The following SLC2A10 variants were observed in gnomAD, a reference collection of about 807,000 sequenced individuals.
SLC2A10 encodes the protein solute carrier family 2, facilitated glucose transporter member 10.
SLC2A10 carries 25 observed loss-of-function variants against 32.1 expected under a neutral mutation model. The observed-to-expected ratio is 0.78, with a 90% confidence interval of 0.57 to 1.09. SLC2A10 has a LOEUF of 1.09. Among genes scored for constraint, SLC2A10 ranks in the 50% least tolerant of loss-of-function variants. The pLI, the probability that SLC2A10 is intolerant of heterozygous loss-of-function variation, is 0.00. For synonymous variants in SLC2A10, 332 were observed against 309.6 expected (o/e 1.07, Z -0.76); for missense variants, 673 against 686.5 (o/e 0.98, Z 0.22).
At chr20:46,715,783 G>A (rs1979202523) in intron 1 of SLC2A10, among the ~76,000 whole-genome samples, 1 of 152,158 alleles carries the variant, frequency 6.6e-6, no homozygotes, top group Non-Finnish European at 1.5e-5. Flanking sequence ...TAGGGACTGT[G>A]GACCCAGACA....
intron 1 of SLC2A10, among the ~76,000 whole-genome samples, chr20:46,711,007 G>A (rs902187858): frequency 2.0e-5 from 3 of 152,112 alleles, no homozygotes; most frequent in Non-Finnish European, 4.4e-5. Context: ...CAAGTAGCTG[G>A]GATTACAGGC....
At chr20:46,711,162 A>G (rs1978890061) in intron 1 of SLC2A10, among the ~76,000 whole-genome samples, 1 of 152,194 alleles carries the variant, frequency 6.6e-6, no homozygotes. Flanking sequence ...CCCGGCCCTG[A>G]ATTAACTTCT....
At position 46,725,726 on chromosome 20, in the gene SLC2A10, C is replaced by T; in HGVS notation, c.690C>T (p.Gly230=). 6.2e-7 allele frequency: 1 copy of T among 1,614,162 alleles called. No individual in the cohort carries two copies. The highest frequency in any genetic ancestry group is 1.1e-5 in the South Asian group (1 of 91,090). Residue 230 remains glycine (G), a synonymous_variant, in exon 2 of 5, where the codon GGC becomes GGT. Transcript: ENST00000359271. ...TCAGGGCACGCGATAACATGCGAGGCCGGACCACAGTGGGCCTGGGGCTGG... is the reference window on the plus strand; with the variant it reads ...TCAGGGCACGCGATAACATGCGAGGTCGGACCACAGTGGGCCTGGGGCTGG... ...DLFRARDNMR[G]RTTVGLGLVL...
At position 46,726,037 on chromosome 20, in the gene SLC2A10, A is replaced by G. The variant is rs770142771; in HGVS notation, c.1001A>G (p.Asn334Ser). The G allele has an allele frequency of 5.6e-6, 9 of 1,614,040 alleles. No individual in the cohort carries two copies. Among genetic ancestry groups the G allele is most frequent in the Middle Eastern group, 3.3e-4 (2 of 6,084 alleles). Residue 334 changes from asparagine to serine, a missense_variant, in exon 2 of 5, where the codon AAT (asparagine) becomes AGT (serine). By Grantham distance (46) the Asn-to-Ser change is conservative. Transcript: ENST00000359271. ...DSGPSCLAVP[N>S]ATGQTGLPGD... is the part of the protein sequence containing the mutation. The stretch of plus-strand genomic sequence containing the variant: ...GGCCCAAGCTGTCTGGCTGTGCCCA[A>G]TGCCACCGGGCAGACAGGCCTCCCT...
At chr20:46,720,005 C>G (rs1979461719) in intron 1 of SLC2A10, among the ~76,000 whole-genome samples, 1 of 152,222 alleles carries the variant, frequency 6.6e-6, no homozygotes. Context: ...TTACACTGTG[C>G]TAAGCTGTCA....
intron 4 of SLC2A10, 88 bp from the exon 5 acceptor site, chr20:46,733,668 G>A: frequency 3.0e-6 from 3 of 993,178 alleles, no homozygotes; most frequent in Middle Eastern, 2.3e-4. Flanking sequence ...GTGGGATTGG[G>A]TGGTGGGAAC....
At chr20:46,726,434 G>A (rs940602247) in intron 2 of SLC2A10, 110 bp downstream of exon 2, 4 of 1,507,552 alleles carry the variant, frequency 2.7e-6, no homozygotes, top group African/African-American at 1.4e-5. Flanking sequence ...GGGCACTAGA[G>A]GTGGGTTGAC....
At chr20:46,721,582 G>T (rs1979558672) in intron 1 of SLC2A10, among the ~76,000 whole-genome samples, 1 of 152,070 alleles carries the variant, frequency 6.6e-6, no homozygotes, top group South Asian at 2.1e-4. Flanking sequence ...AAGAGTATTG[G>T]TTGGCTCATG....
chr20:46,708,893 C>A (rs1978739704), upstream of SLC2A10, among the ~76,000 whole-genome samples: 1 of 152,234 alleles, frequency 6.6e-6, no homozygotes, highest in African/African-American at 2.4e-5. Context: ...TTGCTGTTCC[C>A]CCTGCGGGGA....
rs1468595055 is a variant in SLC2A10, at chr20:46,735,242, G to A, written c.*1408G>A. 2 of 152,562 alleles carry A rather than the reference G, an allele frequency of 1.3e-5. No individual in the cohort carries two copies. Among genetic ancestry groups the A allele is most frequent in the East Asian group, 3.9e-4 (2 of 5,186 alleles). 9.5% of individuals were successfully genotyped at this position (152,562 alleles called of 1,614,324 possible). On this transcript the variant is annotated 3_prime_UTR_variant, in exon 5 of 5. Coordinates refer to ENST00000359271, the MANE Select transcript of SLC2A10 (RefSeq NM_030777.4). The stretch of plus-strand genomic sequence containing the variant: ...GTCATCCATGCGTGCACATATGGGT[G>A]CTGGCAGAGCCCCCAAGGACTCTGG...
chr20:46,714,963 C>G (rs1979147652), intron 1 of SLC2A10, among the ~76,000 whole-genome samples: 1 of 152,188 alleles, frequency 6.6e-6, no homozygotes, highest in Non-Finnish European at 1.5e-5. Flanking sequence ...GCACCTATCT[C>G]TGATTGACTC....
chr20:46,719,744 A>T (rs957003629), intron 1 of SLC2A10, among the ~76,000 whole-genome samples: 7 of 152,126 alleles, frequency 4.6e-5, no homozygotes, highest in African/African-American at 1.7e-4. Context: ...TGTTTTCTTA[A>T]TCAAGTCTGG....
At chr20:46,715,233 CGTTTGTTTGTTT>C (rs11472342) in intron 1 of SLC2A10, among the ~76,000 whole-genome samples, 1 of 151,138 alleles carries the variant, frequency 6.6e-6, no homozygotes, top group African/African-American at 2.4e-5. Flanking sequence ...TTTTATTTCA[CGTTTGTTTGTTT>C]GTTTGTTTGT....
chr20:46,727,814 G>C (rs1275339436), intron 3 of SLC2A10, among the ~76,000 whole-genome samples: 1 of 152,188 alleles, frequency 6.6e-6, no homozygotes, highest in Non-Finnish European at 1.5e-5. Context: ...GAGTACACAG[G>C]CTCCTTCACT....
intron 1 of SLC2A10, among the ~76,000 whole-genome samples, chr20:46,716,110 C>T (rs138100616): frequency 2.6e-4 from 40 of 151,490 alleles, no homozygotes; most frequent in African/African-American, 7.5e-4. Context: ...TTTATTCATT[C>T]GTAAATAATA....
rs931585240 is a variant in SLC2A10 at position 46,724,846 on chromosome 20, T to G, written c.5-195T>G. The stretch of plus-strand genomic sequence containing the variant: ...ATGGATGGATGGATGGATGGATGGA[T>G]GGTTGAATTGATGGAGTGGATGGAT... On this transcript the variant is annotated intron_variant, in intron 1 of 4. Coordinates refer to ENST00000359271, the MANE Select transcript of SLC2A10 (RefSeq NM_030777.4). Among the ~76,000 whole-genome samples the G allele has an allele frequency of 3.6e-5, 5 of 138,904 alleles. No homozygotes were observed. In the South Asian group the frequency reaches 1.3e-3, roughly 36 times the overall value. The allele number at this position is 138,904 out of a possible 152,430, so 91.1% of individuals were successfully genotyped here.
chr20:46,729,659 T>C (rs3092247), intron 4 of SLC2A10, among the ~76,000 whole-genome samples, 171 bp downstream of exon 4: 1 of 93,344 alleles, frequency 1.1e-5, no homozygotes, highest in Non-Finnish European at 2.1e-5. Context: ...TTTTTTTTTT[T>C]GAGATGGAGT....
intron 1 of SLC2A10, among the ~76,000 whole-genome samples, chr20:46,716,952 G>A (rs1195521124): frequency 6.6e-6 from 1 of 152,114 alleles, no homozygotes; most frequent in Admixed American, 6.6e-5. Flanking sequence ...GAACCCAGGA[G>A]ATGGAGGTTG....
At chr20:46,721,457 A>G (rs3092412) in intron 1 of SLC2A10, among the ~76,000 whole-genome samples, 2 of 150,146 alleles carry the variant, frequency 1.3e-5, no homozygotes, top group Admixed American at 6.6e-5. Flanking sequence ...AAAAAAAGAG[A>G]GAGAGAGACA....
Sources: gnomAD v4.1 joint callset for allele counts (sites outside exome capture counted in the v4.1 genomes callset) on GRCh38, gnomAD v4.1.1 for gene constraint, MANE v1.5 for transcripts, NCBI Gene and HGNC (gene_info 2026-07-23, HGNC 2026-07-21) for gene names.